CNNM2: variants seen among roughly 807,000 people sequenced by gnomAD.
CNNM2 encodes the protein cyclin and CBS domain divalent metal cation transport mediator 2, also known as metal transporter CNNM2.
In CNNM2, 12 loss-of-function variants were observed where a neutral mutation model predicts 66.9. The observed-to-expected ratio is 0.18, with a 90% CI of 0.11 to 0.29. The LOEUF (loss-of-function observed/expected upper bound fraction) is 0.29. Among genes scored for constraint, CNNM2 ranks in the 10% least tolerant of loss-of-function variants. The pLI is 1.00. For synonymous variants in CNNM2, 557 were observed against 501.8 expected, an observed-to-expected ratio of 1.11 and a Z score of -1.47; for missense variants, 705 against 1,167.7, an observed-to-expected ratio of 0.60 and a Z score of 5.77.
chr10:102,999,101 T>G (rs1392352965), intron 1 of CNNM2, among the ~76,000 whole-genome samples: 2 of 151,258 alleles, frequency 1.3e-5, no homozygotes, highest in Non-Finnish European at 3.0e-5. Flanking sequence ...GACGGAGTCT[T>G]GCTCTGTCTC....
intron 1 of CNNM2, among the ~76,000 whole-genome samples, chr10:102,938,757 T>C (rs529107735): frequency 6.6e-6 from 1 of 152,224 alleles, no homozygotes; most frequent in South Asian, 2.1e-4. Context: ...GTCCTATGCC[T>C]ATTAGACAGT....
rs760868329 is a variant in CNNM2, at chr10:102,919,290, C to T, written c.810C>T (p.Gly270=). 2.9e-5 allele frequency: 46 copies of T among 1,613,776 alleles called. 2 individuals carry two copies. The South Asian group carries it at 4.9e-4, about 17-fold the overall frequency. The change falls in exon 1 of 8, where the codon GGC becomes GGT. Residue 270 remains glycine, a synonymous_variant. Transcript: ENST00000369878. The part of the protein sequence containing the change: ...IFISLLLCLS[G]MFSGLNLGLM... ...TTTCGCTGCTGCTGTGCCTGTCGGG[C>T]ATGTTCAGCGGCCTCAACCTGGGGC...
In CNNM2 at chr10:103,054,330, T is replaced by G; in HGVS notation, c.1767T>G (p.Thr589=). 6.2e-7 allele frequency: 1 copy of G among 1,613,804 alleles called. No homozygotes were observed. Among genetic ancestry groups the G allele is most frequent in the Non-Finnish European group, 8.5e-7 (1 of 1,179,804 alleles). Reference sequence around the variant, plus strand: ...TCTCTCTTTTAATTCCTCCCTTAGCTGACAACAGAACGAAAAAGAAAGTGG... The same window carrying G: ...TCTCTCTTTTAATTCCTCCCTTAGCGGACAACAGAACGAAAAAGAAAGTGG... The part of the protein sequence containing the change: ...SEILDETDLY[T]DNRTKKKVAH... Residue 589 remains threonine (T), a splice_region_variant and synonymous_variant, in exon 3 of 8, where the codon ACT becomes ACG. Coordinates refer to ENST00000369878, the MANE Select transcript of CNNM2 (RefSeq NM_017649.5). The surrounding 1 kb of genome is among the most constrained non-coding windows in gnomAD (Gnocchi z 5.2).
chr10:103,032,400 G>A (rs536429306), intron 1 of CNNM2, among the ~76,000 whole-genome samples: 2 of 152,038 alleles, frequency 1.3e-5, no homozygotes, highest in African/African-American at 2.4e-5. Context: ...GCAGCGAGCC[G>A]AGATCACCCC....
intron 1 of CNNM2, among the ~76,000 whole-genome samples, chr10:102,922,941 A>C (rs1330364726): frequency 6.6e-6 from 1 of 150,852 alleles, no homozygotes; most frequent in Non-Finnish European, 1.5e-5. Context: ...CTGTCTCAAA[A>C]AAAAAAAAAA....
intron 1 of CNNM2, among the ~76,000 whole-genome samples, chr10:102,931,951 A>T (rs1846079063): frequency 6.6e-6 from 1 of 151,496 alleles, no homozygotes; most frequent in Non-Finnish European, 1.5e-5. Context: ...GCATCTCTTC[A>T]CGTGCTTACT....
intron 1 of CNNM2, among the ~76,000 whole-genome samples, chr10:103,004,988 T>C (rs562683788): frequency 6.6e-5 from 10 of 150,858 alleles, no homozygotes; most frequent in South Asian, 2.1e-4. Flanking sequence ...CTTTAATTTC[T>C]TTTTTTTTCC....
intron 1 of CNNM2, among the ~76,000 whole-genome samples, chr10:102,973,518 GTT>G (rs34757632): frequency 1.5e-4 from 21 of 140,164 alleles, no homozygotes; most frequent in African/African-American, 3.4e-4. Context: ...GTGTGTGTGT[GTT>G]TTTTTTTTTT....
chr10:103,009,952 T>TTC (rs2064308131), intron 1 of CNNM2, among the ~76,000 whole-genome samples: 1 of 146,550 alleles, frequency 6.8e-6, no homozygotes, highest in African/African-American at 2.5e-5. Flanking sequence ...TTTTTTTTTT[T>TTC]CACAATTAGA....
At position 103,080,058 on chromosome 10, in the gene CNNM2, G is replaced by A. The variant is rs990460412; in HGVS notation, c.*2878G>A. 4 of 152,260 alleles carry A rather than the reference G, an allele frequency of 2.6e-5. No homozygotes were observed. The highest frequency in any genetic ancestry group is 2.1e-4 in the South Asian group (1 of 4,824). The allele number at this position is 152,260 out of a possible 1,614,324, so 9.4% of individuals were successfully genotyped here. A position where few individuals can be genotyped will look rare whatever the true frequency, so the allele number is the denominator to read the frequency against. ...ACCGTGGAATAGCTGCGGTCTCGAT[G>A]TGGCTGCTCTTTGGCACCTCCGCTG... On this transcript the variant is annotated 3_prime_UTR_variant, in exon 8 of 8. Transcript: ENST00000369878.
At chr10:103,010,229 C>CTT (rs202225261) in intron 1 of CNNM2, among the ~76,000 whole-genome samples, 2 of 146,076 alleles carry the variant, frequency 1.4e-5, no homozygotes, top group East Asian at 2.0e-4. Context: ...ATATGACCAT[C>CTT]TTTTTTTTTT....
chr10:102,956,724 A>G (rs1847053370), intron 1 of CNNM2, among the ~76,000 whole-genome samples: 1 of 152,232 alleles, frequency 6.6e-6, no homozygotes, highest in Non-Finnish European at 1.5e-5. Flanking sequence ...ACAAGCACAG[A>G]AAACCAAACA....
chr10:102,969,371 G>A (rs543531607), intron 1 of CNNM2, among the ~76,000 whole-genome samples: 15 of 151,854 alleles, frequency 9.9e-5, no homozygotes, highest in South Asian at 2.1e-4. Context: ...CTGCCACCAC[G>A]CCTAGCTAAT....
intron 1 of CNNM2, among the ~76,000 whole-genome samples, chr10:102,946,039 T>C (rs984659838): frequency 1.3e-5 from 2 of 152,132 alleles, no homozygotes; most frequent in East Asian, 3.9e-4. Flanking sequence ...AAATATTTGA[T>C]CTATAATGTG....
chr10:103,069,075 A>C (rs1482695738), intron 5 of CNNM2, among the ~76,000 whole-genome samples: 2 of 151,948 alleles, frequency 1.3e-5, no homozygotes, highest in Non-Finnish European at 2.9e-5. Context: ...AAATGGAGAC[A>C]CTGTGTGTGT....
chr10:102,979,342 C>G (rs2063684935), intron 1 of CNNM2, among the ~76,000 whole-genome samples: 1 of 152,190 alleles, frequency 6.6e-6, no homozygotes, highest in South Asian at 2.1e-4. Flanking sequence ...TATCACTTGT[C>G]TTCCTACTTC....
chr10:103,032,216 G>A (rs973079775), intron 1 of CNNM2, among the ~76,000 whole-genome samples: 3 of 152,128 alleles, frequency 2.0e-5, no homozygotes, highest in Admixed American at 1.3e-4. Flanking sequence ...TTGGGAGGCC[G>A]AGGCAGGTGG....
At chr10:102,970,664 A>G (rs1241487679) in intron 1 of CNNM2, among the ~76,000 whole-genome samples, 1 of 152,174 alleles carries the variant, frequency 6.6e-6, no homozygotes, top group African/African-American at 2.4e-5. Context: ...GGCTGTTCAC[A>G]GGCACAGTAC....
chr10:103,024,305 A>G (rs966136557), intron 1 of CNNM2, among the ~76,000 whole-genome samples: 2 of 152,184 alleles, frequency 1.3e-5, no homozygotes, highest in Admixed American at 1.3e-4. Context: ...TACCAATTCA[A>G]TAACTATCAT....
Sources: allele counts gnomAD v4.1 joint callset (sites outside exome capture counted in the v4.1 genomes callset), GRCh38; gene constraint gnomAD v4.1.1; non-coding constraint Gnocchi (gnomAD v3.1); transcripts MANE v1.5; gene names NCBI Gene and HGNC (gene_info 2026-07-23, HGNC 2026-07-21).